ADGRV1: variants seen among roughly 807,000 people sequenced by gnomAD.
ADGRV1 encodes G-protein coupled receptor 98.
ADGRV1 carries 359 observed loss-of-function variants against 596.2 expected under a neutral mutation model. The observed-to-expected ratio is 0.60, with a 90% CI of 0.55 to 0.66. The LOEUF (loss-of-function observed/expected upper bound fraction) is 0.66, where lower values mean the gene tolerates loss of function less well. ADGRV1 is among the 30% of genes least tolerant of loss of function. The pLI is 0.00. For missense variants in ADGRV1, 7,274 were observed against 7,575.6 expected (o/e 0.96, Z 1.48); for synonymous variants, 2,681 against 2,679.2 (o/e 1.00, Z -0.02).
At chr5:91,139,338 G>GT (rs1429733261) in intron 87 of ADGRV1, among the ~76,000 whole-genome samples, 1 of 152,134 alleles carries the variant, frequency 6.6e-6, no homozygotes, top group East Asian at 1.9e-4. Flanking sequence ...TAGAAGCCCA[G>GT]TATATATGTA....
intron 86 of ADGRV1, among the ~76,000 whole-genome samples, chr5:91,076,663 A>G (rs181127643): frequency 5.9e-5 from 9 of 152,232 alleles, no homozygotes; most frequent in Non-Finnish European, 1.0e-4. Context: ...CTCAAAAGTT[A>G]TTATTATTAG....
chr5:90,788,384 A>G, intron 68 of ADGRV1, 74 bp downstream of exon 68: 2 of 1,341,978 alleles, frequency 1.5e-6, no homozygotes, highest in South Asian at 1.5e-5. Flanking sequence ...ACATTTGTTG[A>G]AACTCTATAA....
chr5:90,692,478 C>A (rs764623019), intron 31 of ADGRV1, 127 bp from the exon 32 acceptor site: 8 of 681,998 alleles, frequency 1.2e-5, no homozygotes, highest in Non-Finnish European at 1.9e-5. Flanking sequence ...TTCTTTTAGT[C>A]CATTTATATT....
intron 61 of ADGRV1, 37 bp from the exon 62 acceptor site, chr5:90,777,868 T>A: frequency 6.7e-7 from 1 of 1,499,756 alleles, no homozygotes; most frequent in Non-Finnish European, 9.0e-7. Flanking sequence ...TACCTTCAAC[T>A]GAAATGTATT....
intron 85 of ADGRV1, among the ~76,000 whole-genome samples, chr5:91,068,759 T>C (rs1330138770): frequency 6.6e-6 from 1 of 151,858 alleles, no homozygotes; most frequent in Non-Finnish European, 1.5e-5. Context: ...ACCAACATCA[T>C]TTTTCATAGA....
chr5:90,619,169 T>C lies in ADGRV1; in HGVS notation c.441T>C (p.Ile147=). 7.1e-7 allele frequency: 1 copy of C among 1,417,186 alleles called. No homozygotes were observed. Among genetic ancestry groups the C allele is most frequent in the East Asian group, 2.6e-5 (1 of 38,858 alleles). 87.8% of individuals were successfully genotyped at this position (1,417,186 alleles called of 1,614,324 possible). The part of the protein sequence containing the change: ...ILSNDNAFGI[I]SFNMLPSIAV... ...CAAATGACAATGCATTTGGAATTATTTCATTTAATATGGTATGGACACAAT... is the reference window on the plus strand; with the variant it reads ...CAAATGACAATGCATTTGGAATTATCTCATTTAATATGGTATGGACACAAT... Residue 147 remains isoleucine (I), a synonymous_variant, in exon 4 of 90, where the codon ATT becomes ATC. Transcript: ENST00000405460.
chr5:90,896,104 T>G (rs537733037), intron 83 of ADGRV1, among the ~76,000 whole-genome samples: 3 of 152,194 alleles, frequency 2.0e-5, no homozygotes, highest in African/African-American at 7.2e-5. Flanking sequence ...ATTGTGTCAT[T>G]GTTAAACTGT....
intron 83 of ADGRV1, among the ~76,000 whole-genome samples, chr5:90,957,556 T>TCA (rs1242456643): frequency 3.4e-5 from 5 of 146,250 alleles, no homozygotes; most frequent in Non-Finnish European, 7.5e-5. Flanking sequence ...TTTCAACTGT[T>TCA]TATATATATA....
intron 85 of ADGRV1, among the ~76,000 whole-genome samples, chr5:91,036,739 A>G (rs1339306705): frequency 6.6e-6 from 1 of 152,028 alleles, no homozygotes; most frequent in Non-Finnish European, 1.5e-5. Context: ...TATATATATT[A>G]TTAATTGTTT....
intron 85 of ADGRV1, among the ~76,000 whole-genome samples, chr5:91,042,303 C>T (rs1280897897): frequency 1.3e-5 from 2 of 152,168 alleles, no homozygotes; most frequent in African/African-American, 2.4e-5. Context: ...ATAAATATCA[C>T]AGTACAGTTG....
At chr5:90,560,832 T>A (rs2151937528) in intron 1 of ADGRV1, among the ~76,000 whole-genome samples, 1 of 152,276 alleles carries the variant, frequency 6.6e-6, no homozygotes, top group African/African-American at 2.4e-5. Context: ...GGTTTTATGG[T>A]AATAAATATA....
chr5:90,715,780 A>C (rs1002748809), intron 42 of ADGRV1, among the ~76,000 whole-genome samples: 2 of 152,110 alleles, frequency 1.3e-5, no homozygotes, highest in Non-Finnish European at 2.9e-5. Flanking sequence ...AACTTCTTCA[A>C]ATTACCTGAA....
intron 49 of ADGRV1, among the ~76,000 whole-genome samples, chr5:90,729,292 G>C (rs778606175): frequency 2.6e-5 from 4 of 152,118 alleles, no homozygotes; most frequent in African/African-American, 4.8e-5. Context: ...ATAATGTTCA[G>C]AACTTTTTAT....
intron 57 of ADGRV1, among the ~76,000 whole-genome samples, chr5:90,758,572 T>C (rs1316216213): frequency 6.6e-6 from 1 of 152,198 alleles, no homozygotes; most frequent in Admixed American, 6.5e-5. Context: ...AGATTTGAGG[T>C]GCAGGCAATT....
chr5:90,744,978 C>A, intron 50 of ADGRV1, 68 bp from the exon 51 acceptor site: 1 of 1,092,702 alleles, frequency 9.2e-7, no homozygotes. Context: ...GCTTTGGAAC[C>A]GATGCAGGGA....
chr5:90,657,365 A>G (rs1769559230), intron 20 of ADGRV1, among the ~76,000 whole-genome samples: 2 of 152,018 alleles, frequency 1.3e-5, no homozygotes. Flanking sequence ...GCTCGAACCC[A>G]GGAGTTTGAG....
chr5:90,956,216 T>G (rs1203283099), intron 83 of ADGRV1, among the ~76,000 whole-genome samples: 1 of 152,186 alleles, frequency 6.6e-6, no homozygotes, highest in Admixed American at 6.6e-5. Flanking sequence ...ATAAGTTTAC[T>G]GTACAATTTT....
At chr5:90,862,828 C>CAT (rs35475471) in intron 82 of ADGRV1, among the ~76,000 whole-genome samples, 47,508 of 152,118 alleles carry the variant, frequency 0.31, 8,626 homozygotes, top group East Asian at 0.61. Flanking sequence ...AACAAGACCC[C>CAT]ATGTGGACCT....
chr5:90,647,869 T>A (rs1768026870), intron 17 of ADGRV1, 105 bp downstream of exon 17: 1 of 977,606 alleles, frequency 1.0e-6, no homozygotes, highest in Non-Finnish European at 1.5e-6. Flanking sequence ...CTAACTACAT[T>A]TGTACTATTC....
Sources: gnomAD v4.1 joint callset for allele counts (sites outside exome capture counted in the v4.1 genomes callset) on GRCh38, gnomAD v4.1.1 for gene constraint, MANE v1.5 for transcripts, NCBI Gene and HGNC (gene_info 2026-07-23, HGNC 2026-07-21) for gene names.